Variants in SPATA6L observed in about 807,000 individuals in gnomAD.
SPATA6L encodes the protein spermatogenesis associated 6 like.
Under a neutral mutation model 49.2 loss-of-function variants are expected in SPATA6L, and 68 were observed. The ratio of observed to expected loss-of-function variants is 1.38; its 90% confidence interval spans 1.14 to 1.69. The LOEUF (loss-of-function observed/expected upper bound fraction) is 1.69. Among genes scored for constraint, SPATA6L ranks in the 40% most tolerant of loss-of-function variants. The pLI, the probability that SPATA6L is intolerant of heterozygous loss-of-function variation, is 0.00. For missense variants in SPATA6L, 668 were observed against 464.3 expected, an observed-to-expected ratio of 1.44 and a Z score of -4.03; for synonymous variants, 198 against 165.7, an observed-to-expected ratio of 1.19 and a Z score of -1.50.
intron 11 of SPATA6L, among the ~76,000 whole-genome samples, chr9:4,601,715 G>A (rs1302450723): frequency 6.6e-6 from 1 of 152,190 alleles, no homozygotes; most frequent in Admixed American, 6.6e-5. Context: ...CATTAGAAGA[G>A]AGTCCTCAAG....
intron 4 of SPATA6L, among the ~76,000 whole-genome samples, chr9:4,632,362 G>A (rs1181247103): frequency 5.9e-5 from 9 of 151,916 alleles, no homozygotes; most frequent in South Asian, 2.1e-4. Context: ...TTGGGAGGCC[G>A]AGGCAGGAGA....
intron 3 of SPATA6L, among the ~76,000 whole-genome samples, chr9:4,641,179 A>AC (rs144583995): frequency 0.12 from 18,380 of 152,106 alleles, 1,552 homozygotes; most frequent in African/African-American, 0.23. Context: ...AGTATATTCA[A>AC]CAACCATAAA....
chr9:4,663,560 T>C (rs1194237369), intron 1 of SPATA6L: 1 of 342,956 alleles, frequency 2.9e-6, no homozygotes, highest in Non-Finnish European at 5.6e-6. Flanking sequence ...GGTTATACTG[T>C]TGCTGTTAAA....
At chr9:4,661,371 T>C (rs1392173488) in intron 2 of SPATA6L, among the ~76,000 whole-genome samples, 1 of 152,250 alleles carries the variant, frequency 6.6e-6, no homozygotes, top group Non-Finnish European at 1.5e-5. Flanking sequence ...ACTATTTATA[T>C]CACCATGTTA....
At chr9:4,626,291 C>A in intron 5 of SPATA6L, 3 of 1,014,642 alleles carry the variant, frequency 3.0e-6, no homozygotes, top group Admixed American at 3.6e-5. Flanking sequence ...CCAGACATAT[C>A]AGCGGCAGCT....
Position 4,661,904 on chromosome 9 carries a change from C to A in SPATA6L, c.172G>T (p.Glu58Ter). ...AATGAGAAAGTCAAGATCACCTTTT[C>A]AAATCTCATGCTCTCCTGAATCATA... Reference protein sequence around the residue: ...PIMIQESMRFEKVFESAVDPG... With the variant: ...PIMIQESMRF The change falls in exon 2 of 12, where the codon GAA becomes TAA. Residue 58 changes from glutamate to a stop codon, truncating the protein, a stop_gained. Coordinates refer to ENST00000682582, the MANE Select transcript of SPATA6L (RefSeq NM_001353486.2). LOFTEE classifies it high-confidence loss of function. The A allele has an allele frequency of 6.2e-7, 1 of 1,613,530 alleles. No homozygotes were observed. The highest frequency in any genetic ancestry group is 8.5e-7 in the Non-Finnish European group (1 of 1,179,654).
At chr9:4,636,654 G>C (rs537056404) in intron 3 of SPATA6L, among the ~76,000 whole-genome samples, 9 of 152,254 alleles carry the variant, frequency 5.9e-5, no homozygotes, top group Non-Finnish European at 1.2e-4. Flanking sequence ...GGGTTGCTTT[G>C]TTTTCAGTAC....
rs78154187 is a variant in SPATA6L, at chr9:4,626,398, T to G, written c.430-832A>C. The stretch of plus-strand genomic sequence containing the variant: ...AGTGAGCAGTGCCCCTCCTTTGAGA[T>G]CTGAGTTCCAGCTCATCCAAGTCCC... On this transcript the variant is annotated intron_variant, in intron 5 of 11. Transcript: ENST00000682582. The G allele has an allele frequency of 2.6e-3, 3,345 of 1,301,218 alleles. 56 individuals carry two copies. In the African/African-American group the frequency reaches 0.038, roughly 15 times the overall value. The allele number at this position is 1,301,218 out of a possible 1,614,324, so 80.6% of individuals were successfully genotyped here. A position where few individuals can be genotyped will look rare whatever the true frequency, so the allele number is the denominator to read the frequency against.
chr9:4,662,282 C>T lies in SPATA6L; in HGVS notation c.40-246G>A. The T allele has an allele frequency of 1.4e-6, 2 of 1,434,836 alleles. No homozygotes were observed. The highest frequency in any genetic ancestry group is 1.8e-6 in the Non-Finnish European group (2 of 1,099,940). The allele number at this position is 1,434,836 out of a possible 1,614,324, so 88.9% of individuals were successfully genotyped here. A position where few individuals can be genotyped will look rare whatever the true frequency, so the allele number is the denominator to read the frequency against. ...CTCTCGCCGGCTCCTCTCCCCGCCC[C>T]TCCGGGATGGTAGTGCGGAAGCGGA... is the stretch of plus-strand genomic sequence containing the variant. On this transcript the variant is annotated intron_variant, in intron 1 of 11. Transcript: ENST00000682582. The surrounding 1 kb of genome is among the most constrained non-coding windows in gnomAD (Gnocchi z 4.9).
At chr9:4,608,683 A>G (rs1315038255) in intron 9 of SPATA6L, among the ~76,000 whole-genome samples, 1 of 150,146 alleles carries the variant, frequency 6.7e-6, no homozygotes, top group Admixed American at 6.6e-5. Context: ...AATGCCCACA[A>G]GAGAAAGCAG....
intron 9 of SPATA6L, 113 bp from the exon 10 acceptor site, chr9:4,605,553 C>CATGCA: frequency 1.5e-6 from 1 of 684,512 alleles, no homozygotes. Flanking sequence ...AAAACAGCAG[C>CATGCA]ATGCAAAATG....
intron 6 of SPATA6L, among the ~76,000 whole-genome samples, chr9:4,624,324 G>C (rs1587157766): frequency 6.6e-6 from 1 of 152,162 alleles, no homozygotes; most frequent in East Asian, 1.9e-4. Context: ...GCAAGCATAA[G>C]GCAGAGAAAT....
At chr9:4,635,513 TG>T in intron 3 of SPATA6L, 114 bp from the exon 4 acceptor site, 1 of 1,018,376 alleles carries the variant, frequency 9.8e-7, no homozygotes, top group South Asian at 1.9e-5. Context: ...ATAGACATAT[TG>T]ATCCTAGCAC....
In SPATA6L at chr9:4,625,321, G is replaced by A. The variant is rs1384486997; in HGVS notation, c.669+6C>T. On this transcript the variant is annotated splice_donor_region_variant and intron_variant, in intron 6 of 11. Coordinates refer to ENST00000682582, the MANE Select transcript of SPATA6L (RefSeq NM_001353486.2). ...AAAATGCTCTAAAAAATAATTTTAG[G>A]CTCACGTGTCTAACAACAAATGGAG... The A allele has an allele frequency of 1.2e-6, 2 of 1,608,528 alleles. No homozygotes were observed. Among genetic ancestry groups the A allele is most frequent in the East Asian group, 4.5e-5 (2 of 44,768 alleles).
chr9:4,606,170 T>C (rs937269680), intron 9 of SPATA6L, among the ~76,000 whole-genome samples: 2 of 151,418 alleles, frequency 1.3e-5, no homozygotes, highest in African/African-American at 4.9e-5. Flanking sequence ...TCTCGCTGAT[T>C]GCTAGCACAG....
intron 9 of SPATA6L, among the ~76,000 whole-genome samples, chr9:4,609,228 C>G (rs1826065576): frequency 6.6e-6 from 1 of 151,382 alleles, no homozygotes; most frequent in East Asian, 1.9e-4. Flanking sequence ...CAAGGAGGAA[C>G]TGGTACCATT....
At chr9:4,644,664 C>G (rs190648084) in intron 3 of SPATA6L, among the ~76,000 whole-genome samples, 70 of 120,948 alleles carry the variant, frequency 5.8e-4, no homozygotes, top group African/African-American at 2.5e-3. Context: ...AGTATTCTCT[C>G]TCTCTCTCTC....
rs950968277 is a variant in SPATA6L at position 4,589,923 on chromosome 9, C to A, written c.*255-962G>T. 2.0e-5 allele frequency among the ~76,000 whole-genome samples: 3 copies of A among 152,246 alleles called. No individual in the cohort carries two copies. In the South Asian group the frequency reaches 6.2e-4, roughly 32 times the overall value. On this transcript the variant is annotated intron_variant and NMD_transcript_variant, in intron 13 of 13. Transcript: ENST00000461761. The stretch of plus-strand genomic sequence containing the variant: ...GGCCTTGTTAAATTAGCTTTGGGAA[C>A]TATATATTTATATATTTTGACACGG...
intron 9 of SPATA6L, among the ~76,000 whole-genome samples, chr9:4,616,533 G>A (rs752523645): frequency 6.6e-6 from 1 of 152,210 alleles, no homozygotes; most frequent in Non-Finnish European, 1.5e-5. Flanking sequence ...CAGGCATAGA[G>A]AGGTGTAAGT....
Sources: gnomAD v4.1 joint callset for allele counts (sites outside exome capture counted in the v4.1 genomes callset) on GRCh38, gnomAD v4.1.1 for gene constraint, Gnocchi (gnomAD v3.1) non-coding constraint, MANE v1.5 for transcripts, NCBI Gene and HGNC (gene_info 2026-07-23, HGNC 2026-07-21) for gene names.